Variants in PXDNL observed in about 807,000 individuals in gnomAD.
PXDNL encodes probable oxidoreductase PXDNL.
In PXDNL, 145 loss-of-function variants were observed where a neutral mutation model predicts 150.8. The ratio of observed to expected loss-of-function variants is 0.96; its 90% confidence interval spans 0.84 to 1.10. The LOEUF is 1.10. Ranked by LOEUF, PXDNL falls within the 50% of genes least tolerant of loss-of-function variation. The pLI is 0.00. For synonymous variants in PXDNL, 757 were observed against 725.7 expected, an observed-to-expected ratio of 1.04 and a Z score of -0.69; for missense variants, 2,087 against 1,873.9, an observed-to-expected ratio of 1.11 and a Z score of -2.10.
intron 3 of PXDNL, among the ~76,000 whole-genome samples, chr8:51,575,118 A>T (rs1813022280): frequency 6.6e-6 from 1 of 152,066 alleles, no homozygotes; most frequent in South Asian, 2.1e-4. Context: ...CAATTATATT[A>T]TAAATCAGGG....
At chr8:51,753,674 A>G (rs1467149251) in intron 1 of PXDNL, among the ~76,000 whole-genome samples, 1 of 152,230 alleles carries the variant, frequency 6.6e-6, no homozygotes, top group South Asian at 2.1e-4. Context: ...CTGAGGTCAT[A>G]TTGGGAATAC....
chr8:51,806,921 A>G (rs1454279858), intron 1 of PXDNL, among the ~76,000 whole-genome samples: 1 of 152,150 alleles, frequency 6.6e-6, no homozygotes, highest in East Asian at 1.9e-4. Flanking sequence ...CACTTCCCTC[A>G]AATTGTTTAC....
intron 1 of PXDNL, among the ~76,000 whole-genome samples, chr8:51,744,071 AAGGAAGGAAGGAAGGAAGGAAG>A (rs2036941437): frequency 9.2e-4 from 68 of 73,538 alleles, no homozygotes; most frequent in African/African-American, 3.7e-3. Context: ...GGAAGGAAGG[AAGGAAGGAAGGAAGGAAGGAAG>A]GAAAGAAAGA....
chr8:51,726,719 T>C (rs933443768), intron 1 of PXDNL, among the ~76,000 whole-genome samples: 1 of 152,178 alleles, frequency 6.6e-6, no homozygotes, highest in African/African-American at 2.4e-5. Context: ...ACAAAGCTAA[T>C]GAATCTGGTG....
At chr8:51,608,027 AAG>A (rs1424094644) in intron 2 of PXDNL, among the ~76,000 whole-genome samples, 6 of 106,624 alleles carry the variant, frequency 5.6e-5, no homozygotes, top group Admixed American at 1.8e-4. Flanking sequence ...GAAAGAAAGA[AAG>A]AAAGAAAGAA....
chr8:51,493,980 A>AGATTC lies in PXDNL; in HGVS notation c.452+5714_452+5718dup, dbSNP rs1174799494. ...AGTAACTCCAAGACACATAATTGTCAGATTCACCAAAGTTGAAATGAAGGA... is the reference window on the plus strand; with the variant it reads ...AGTAACTCCAAGACACATAATTGTCAGATTCGATTCACCAAAGTTGAAATGAAGGA... On this transcript the variant is annotated intron_variant, in intron 5 of 22. Coordinates refer to ENST00000356297, the MANE Select transcript of PXDNL (RefSeq NM_144651.5). Among the ~76,000 whole-genome samples, 7 of 152,336 alleles carry AGATTC rather than the reference A, an allele frequency of 4.6e-5. No homozygotes were observed. In the East Asian group the frequency reaches 1.4e-3, roughly 29 times the overall value.
chr8:51,778,434 T>C (rs1255864353), intron 1 of PXDNL, among the ~76,000 whole-genome samples: 1 of 152,202 alleles, frequency 6.6e-6, no homozygotes, highest in Non-Finnish European at 1.5e-5. Context: ...AGGCTATGTT[T>C]CTTAACTCAA....
Position 51,408,694 on chromosome 8 carries a change from T to C in PXDNL, c.2930A>G (p.Glu977Gly), listed in dbSNP as rs1290096457. The change falls in exon 17 of 23, where the codon GAA becomes GGA. Residue 977 changes from glutamate (E) to glycine (G), a missense_variant. By Grantham distance (98) the Glu-to-Gly change is moderately conservative (BLOSUM62 -2). Coordinates refer to ENST00000356297, the MANE Select transcript of PXDNL (RefSeq NM_144651.5). The stretch of plus-strand genomic sequence containing the variant: ...CAGCTCCGTGGCCATCCTGTTGTGT[T>C]CCCGGAACCACAGGGTGTGCATGGC... ...LAAMHTLWFR[E>G]HNRMATELSA... 1.3e-6 allele frequency: 2 copies of C among 1,595,320 alleles called. No homozygotes were observed. Among genetic ancestry groups the C allele is most frequent in the East Asian group, 4.6e-5 (2 of 43,866 alleles).
At chr8:51,628,144 T>C (rs1479690376) in intron 2 of PXDNL, among the ~76,000 whole-genome samples, 1 of 152,104 alleles carries the variant, frequency 6.6e-6, no homozygotes, top group Admixed American at 6.6e-5. Flanking sequence ...GCCACAAGCA[T>C]ATCCAGGACT....
At chr8:51,362,194 A>G (rs753270133) in intron 19 of PXDNL, among the ~76,000 whole-genome samples, 1 of 152,200 alleles carries the variant, frequency 6.6e-6, no homozygotes, top group Non-Finnish European at 1.5e-5. Context: ...GCTATCCTAA[A>G]GTGTTTACAA....
intron 19 of PXDNL, among the ~76,000 whole-genome samples, chr8:51,356,449 A>G (rs927282905): frequency 1.3e-5 from 2 of 151,008 alleles, no homozygotes; most frequent in Non-Finnish European, 2.9e-5. Context: ...AGATTGCCCC[A>G]TTGCACTCCA....
At chr8:51,755,197 T>C (rs1268113673) in intron 1 of PXDNL, among the ~76,000 whole-genome samples, 1 of 152,170 alleles carries the variant, frequency 6.6e-6, no homozygotes, top group East Asian at 1.9e-4. Context: ...AAATAAAATA[T>C]GTTCTATTCT....
chr8:51,744,025 AGAG>A (rs2036938449), intron 1 of PXDNL, among the ~76,000 whole-genome samples: 2 of 105,426 alleles, frequency 1.9e-5, no homozygotes, highest in African/African-American at 3.5e-5. Context: ...AGAAAGAAGA[AGAG>A]GGAAGGAAGG....
intron 1 of PXDNL, among the ~76,000 whole-genome samples, chr8:51,768,345 A>T (rs1348932315): frequency 6.6e-6 from 1 of 151,786 alleles, no homozygotes; most frequent in Non-Finnish European, 1.5e-5. Context: ...TCCTCTGGCC[A>T]AGAGAATTTA....
intron 17 of PXDNL, among the ~76,000 whole-genome samples, chr8:51,383,138 T>G (rs1807599186): frequency 6.6e-6 from 1 of 152,220 alleles, no homozygotes; most frequent in Admixed American, 6.5e-5. Context: ...CCATAAGCTC[T>G]CAAAACATTT....
chr8:51,522,113 C>A (rs952001193), intron 4 of PXDNL, among the ~76,000 whole-genome samples: 10 of 151,998 alleles, frequency 6.6e-5, no homozygotes, highest in African/African-American at 2.4e-4. Context: ...TTTTTAAGTT[C>A]TCTAAAATTC....
At chr8:51,606,737 T>C (rs1048401620) in intron 2 of PXDNL, among the ~76,000 whole-genome samples, 1 of 151,738 alleles carries the variant, frequency 6.6e-6, no homozygotes, top group Non-Finnish European at 1.5e-5. Context: ...TTGAAATGAT[T>C]ATCATTCTAA....
At chr8:51,604,003 T>C (rs1813784810) in intron 2 of PXDNL, among the ~76,000 whole-genome samples, 1 of 152,146 alleles carries the variant, frequency 6.6e-6, no homozygotes, top group Non-Finnish European at 1.5e-5. Flanking sequence ...AAGTAGTACA[T>C]TTTTCATAAT....
intron 1 of PXDNL, among the ~76,000 whole-genome samples, chr8:51,726,077 T>C (rs1816812575): frequency 6.6e-6 from 1 of 152,242 alleles, no homozygotes; most frequent in African/African-American, 2.4e-5. Flanking sequence ...ATTCTGTCCT[T>C]GATTCTGAGA....
Sources: allele counts gnomAD v4.1 joint callset (sites outside exome capture counted in the v4.1 genomes callset), GRCh38; gene constraint gnomAD v4.1.1; transcripts MANE v1.5; gene names NCBI Gene and HGNC (gene_info 2026-07-23, HGNC 2026-07-21).